Variants in KDM1B observed in about 807,000 individuals in gnomAD.
KDM1B encodes the protein lysine demethylase 1B.
In KDM1B, 63 loss-of-function variants were observed where a neutral mutation model predicts 107.4. The observed-to-expected ratio is 0.59, with a 90% CI of 0.48 to 0.72. The LOEUF (loss-of-function observed/expected upper bound fraction) is 0.72. Among genes scored for constraint, KDM1B ranks in the 30% least tolerant of loss-of-function variants. The pLI is 0.00. For synonymous variants in KDM1B, 363 were observed against 363.9 expected, an observed-to-expected ratio of 1.00 and a Z score of 0.03; for missense variants, 749 against 1,020.8, an observed-to-expected ratio of 0.73 and a Z score of 3.63.
intron 7 of KDM1B, among the ~76,000 whole-genome samples, chr6:18,176,889 A>G (rs1786049997): frequency 6.6e-6 from 1 of 152,058 alleles, no homozygotes; most frequent in African/African-American, 2.4e-5. Flanking sequence ...ATTAGCTAGT[A>G]TTTTGTTAGC....
intron 12 of KDM1B, among the ~76,000 whole-genome samples, chr6:18,199,398 C>G (rs887038772): frequency 3.9e-5 from 6 of 152,160 alleles, no homozygotes; most frequent in African/African-American, 1.4e-4. Flanking sequence ...AAATAGATTC[C>G]TCTGAGTAGC....
chr6:18,165,793 G>C (rs1047963545), intron 5 of KDM1B, among the ~76,000 whole-genome samples: 2 of 152,216 alleles, frequency 1.3e-5, no homozygotes, highest in Non-Finnish European at 2.9e-5. Flanking sequence ...TTGCGCTGCA[G>C]CCTGGGTGAC....
In KDM1B at chr6:18,186,973, T is replaced by TACACACACACACACAC. The variant is rs141222425; in HGVS notation, c.574-807_574-792dup. 3.4e-5 allele frequency among the ~76,000 whole-genome samples: 5 copies of TACACACACACACACAC among 147,438 alleles called. No individual in the cohort carries two copies. Among genetic ancestry groups the TACACACACACACACAC allele is most frequent in the South Asian group, 2.2e-4 (1 of 4,644 alleles). On this transcript the variant is annotated intron_variant, in intron 8 of 21. Coordinates refer to ENST00000650836, the MANE Select transcript of KDM1B (RefSeq NM_001364614.2). The surrounding 1 kb of genome is among the most constrained non-coding windows in gnomAD (Gnocchi z 5.6). ...CAGTATGTATATATGTGTGTGTGTGTACACACACACACACACACACACACA... is the reference window on the plus strand; with the variant it reads ...CAGTATGTATATATGTGTGTGTGTGTACACACACACACACACACACACACACACACACACACACACA...
chr6:18,201,602 T>C lies in KDM1B; in HGVS notation c.1476T>C (p.Asp492=). The change falls in exon 14 of 22, where the codon GAT becomes GAC. Residue 492 remains aspartate, a synonymous_variant. Coordinates refer to ENST00000650836, the MANE Select transcript of KDM1B (RefSeq NM_001364614.2). The surrounding 1 kb of genome is among the most constrained non-coding windows in gnomAD (Gnocchi z 4.3). ...RMDFHFNALL[D]VVSEWRKDKT... ...ATTTTCATTTTAATGCTCTCTTGGA[T>C]GTTGTCTCTGAGTGGAGAAAGGATA... 2 of 1,550,804 alleles carry C rather than the reference T, an allele frequency of 1.3e-6. No homozygotes were observed. Among genetic ancestry groups the C allele is most frequent in the Non-Finnish European group, 1.7e-6 (2 of 1,146,938 alleles).
intron 8 of KDM1B, 136 bp from the exon 9 acceptor site, chr6:18,187,647 GGAATAGAAT>G: frequency 1.6e-6 from 1 of 630,568 alleles, no homozygotes; most frequent in Non-Finnish European, 2.9e-6. Flanking sequence ...GTAGAGCTCT[GGAATAGAAT>G]TGTTAAGTCT....
intron 2 of KDM1B, among the ~76,000 whole-genome samples, chr6:18,158,455 T>C (rs928711647): frequency 2.0e-5 from 3 of 152,144 alleles, no homozygotes; most frequent in Non-Finnish European, 2.9e-5. Flanking sequence ...AGTACTCTTA[T>C]GAATGTTAAT....
rs1008621283 is a variant in KDM1B, at chr6:18,197,514, A to C, written c.1147-73A>C. ...ATGTAAATGAACGAATTTGCTCTGC[A>C]GTTCCGGAACAACTAAAACAGGACG... On this transcript the variant is annotated intron_variant, in intron 11 of 21. Transcript: ENST00000650836. This position sits in a 1 kb window ranked among gnomAD's most constrained non-coding sequence, Gnocchi z 4.5. The C allele has an allele frequency of 1.7e-6, 2 of 1,161,204 alleles. No homozygotes were observed. The highest frequency in any genetic ancestry group is 1.3e-5 in the South Asian group (1 of 78,548). 71.9% of individuals were successfully genotyped at this position (1,161,204 alleles called of 1,614,324 possible).
At chr6:18,219,846 G>T (rs1582228796) in intron 21 of KDM1B, among the ~76,000 whole-genome samples, 1 of 152,218 alleles carries the variant, frequency 6.6e-6, no homozygotes, top group African/African-American at 2.4e-5. Context: ...CCCTGGCACT[G>T]TGGGCGCTGG....
Position 18,186,612 on chromosome 6 carries a change from A to G in KDM1B, c.573+802A>G, listed in dbSNP as rs1035179853. ...AGTCCGTTCTCACGCTGCTTGCTAT[A>G]AAGAACTGCCTGAGACTAGGTAATT... On this transcript the variant is annotated intron_variant, in intron 8 of 21. Coordinates refer to ENST00000650836, the MANE Select transcript of KDM1B (RefSeq NM_001364614.2). This position sits in a 1 kb window ranked among gnomAD's most constrained non-coding sequence, Gnocchi z 5.6. Among the ~76,000 whole-genome samples, 5 of 152,280 alleles carry G rather than the reference A, an allele frequency of 3.3e-5. No individual in the cohort carries two copies. Among genetic ancestry groups the G allele is most frequent in the Non-Finnish European group, 4.4e-5 (3 of 68,016 alleles).
chr6:18,159,836 A>C lies in KDM1B; in HGVS notation c.-13-47A>C. 1 of 1,000,438 alleles carries C rather than the reference A, an allele frequency of 1.0e-6. No homozygotes were observed. The highest frequency in any genetic ancestry group is 1.6e-6 in the Non-Finnish European group (1 of 633,950). The allele number at this position is 1,000,438 out of a possible 1,614,324, so 62.0% of individuals were successfully genotyped here. A position where few individuals can be genotyped will look rare whatever the true frequency, so the allele number is the denominator to read the frequency against. On this transcript the variant is annotated intron_variant, in intron 2 of 21. Coordinates refer to ENST00000650836, the MANE Select transcript of KDM1B (RefSeq NM_001364614.2). The surrounding 1 kb of genome is among the most constrained non-coding windows in gnomAD (Gnocchi z 4.5). ...TAATAACTTGCTCCAGACTGTTAAA[A>C]ATATTTGCAGATGCTAATATTTAAT...
intron 7 of KDM1B, among the ~76,000 whole-genome samples, chr6:18,183,855 A>G (rs1439199196): frequency 1.3e-5 from 2 of 151,832 alleles, no homozygotes; most frequent in East Asian, 1.9e-4. Flanking sequence ...GGCTGTTTCT[A>G]GTTTTTGGCT....
intron 10 of KDM1B, among the ~76,000 whole-genome samples, chr6:18,196,321 T>A (rs1787648512): frequency 6.6e-6 from 1 of 152,210 alleles, no homozygotes; most frequent in Non-Finnish European, 1.5e-5. Flanking sequence ...ACGTGCTGAT[T>A]CATTTTATTT....
chr6:18,220,614 T>TA (rs1789618951), intron 21 of KDM1B, among the ~76,000 whole-genome samples: 1 of 152,180 alleles, frequency 6.6e-6, no homozygotes, highest in South Asian at 2.1e-4. Flanking sequence ...ATGAAGACCT[T>TA]ACTCTGTGGC....
intron 7 of KDM1B, among the ~76,000 whole-genome samples, chr6:18,182,586 T>C (rs1307369373): frequency 6.6e-6 from 1 of 152,230 alleles, no homozygotes; most frequent in Non-Finnish European, 1.5e-5. Flanking sequence ...TCACCCAGGC[T>C]GGAGTACAGT....
At chr6:18,190,992 A>G (rs114121470) in intron 9 of KDM1B, among the ~76,000 whole-genome samples, 1,876 of 152,310 alleles carry the variant, frequency 0.012, 37 homozygotes, top group African/African-American at 0.043. Flanking sequence ...ATGGAAATTA[A>G]AGTTGAGAAT....
rs1039217550 is a variant in KDM1B at position 18,197,925 on chromosome 6, CTTTTT to C, written c.1221+278_1221+282del. 7.7e-6 allele frequency among the ~76,000 whole-genome samples: 1 copy of C among 130,028 alleles called. No homozygotes were observed. The highest frequency in any genetic ancestry group is 1.6e-5 in the Non-Finnish European group (1 of 61,322). 85.3% of individuals were successfully genotyped at this position (130,028 alleles called of 152,430 possible). ...CTAACTTGGCATTAAAGTAGAAATTCTTTTTTTTTTTTTTTTTTGAGACAGAGTCT... is the reference window on the plus strand; with the variant it reads ...CTAACTTGGCATTAAAGTAGAAATTCTTTTTTTTTTTTTGAGACAGAGTCT... On this transcript the variant is annotated intron_variant, in intron 12 of 21. Coordinates refer to ENST00000650836, the MANE Select transcript of KDM1B (RefSeq NM_001364614.2). This position sits in a 1 kb window ranked among gnomAD's most constrained non-coding sequence, Gnocchi z 4.5.
rs1787726964 is a variant in KDM1B at position 18,197,522 on chromosome 6, A to C, written c.1147-65A>C. The stretch of plus-strand genomic sequence containing the variant: ...GAACGAATTTGCTCTGCAGTTCCGG[A>C]ACAACTAAAACAGGACGTTGTTATC... On this transcript the variant is annotated intron_variant, in intron 11 of 21. Transcript: ENST00000650836. This position sits in a 1 kb window ranked among gnomAD's most constrained non-coding sequence, Gnocchi z 4.5. 13 of 1,289,286 alleles carry C rather than the reference A, an allele frequency of 1.0e-5. No individual in the cohort carries two copies. Among genetic ancestry groups the C allele is most frequent in the Non-Finnish European group, 1.5e-5 (13 of 893,790 alleles). 79.9% of individuals were successfully genotyped at this position (1,289,286 alleles called of 1,614,324 possible). A position where few individuals can be genotyped will look rare whatever the true frequency, so the allele number is the denominator to read the frequency against.
chr6:18,171,763 C>T (rs776159605), intron 7 of KDM1B, among the ~76,000 whole-genome samples: 26 of 152,280 alleles, frequency 1.7e-4, no homozygotes, highest in Middle Eastern at 3.4e-3. Context: ...CACCTGTAGT[C>T]TAACTTCATC....
In KDM1B at chr6:18,212,496, C is replaced by T; in HGVS notation, c.1875C>T (p.Val625=). 6.2e-7 allele frequency: 1 copy of T among 1,603,112 alleles called. No individual in the cohort carries two copies. Among genetic ancestry groups the T allele is most frequent in the Non-Finnish European group, 8.5e-7 (1 of 1,169,950 alleles). ...GTGYSAQKVL[V]TVPLALLQKG... The stretch of plus-strand genomic sequence containing the variant: ...TTAATTATTTTCCACAGGTATTAGT[C>T]ACTGTACCACTGGCTTTACTACAGA... The change falls in exon 18 of 22, where the codon GTC becomes GTT. Residue 625 remains valine (V), a synonymous_variant. Coordinates refer to ENST00000650836, the MANE Select transcript of KDM1B (RefSeq NM_001364614.2). The surrounding 1 kb of genome is among the most constrained non-coding windows in gnomAD (Gnocchi z 5.2).
Sources: gnomAD v4.1 joint callset for allele counts (sites outside exome capture counted in the v4.1 genomes callset) on GRCh38, gnomAD v4.1.1 for gene constraint, Gnocchi (gnomAD v3.1) non-coding constraint, MANE v1.5 for transcripts, NCBI Gene and HGNC (gene_info 2026-07-23, HGNC 2026-07-21) for gene names.